The following CMTR1 variants were observed in gnomAD, a reference collection of about 807,000 sequenced individuals.
The protein encoded by CMTR1 is cap methyltransferase 1.
Under a neutral mutation model 107.0 loss-of-function variants are expected in CMTR1, and 39 were observed. The ratio of observed to expected loss-of-function variants is 0.36; its 90% CI spans 0.28 to 0.48. The LOEUF (loss-of-function observed/expected upper bound fraction) is 0.48, where lower values mean the gene tolerates loss of function less well. Among genes scored for constraint, CMTR1 ranks in the 20% least tolerant of loss-of-function variants. The probability of loss-of-function intolerance (pLI) is 0.99; values close to 1 mark genes in which losing one functional copy is unlikely to be tolerated. For synonymous variants in CMTR1, 366 were observed against 379.5 expected (o/e 0.96, Z 0.41); for missense variants, 672 against 1,064.9 (o/e 0.63, Z 5.14).
chr6:37,476,103 CAGAG>C lies in CMTR1; in HGVS notation c.2037-19_2037-16del. On this transcript the variant is annotated intron_variant, in intron 19 of 23. Transcript: ENST00000373451. ...GTGGAGGCATCCTTGGCTTGCCTCTCAGAGAGACTGTTTGGATTGTAGAATTCAG... is the reference window on the plus strand; with the variant it reads ...GTGGAGGCATCCTTGGCTTGCCTCTCAGACTGTTTGGATTGTAGAATTCAG... The C allele has an allele frequency of 1.2e-6, 2 of 1,613,652 alleles. No individual in the cohort carries two copies. The highest frequency in any genetic ancestry group is 1.7e-6 in the Non-Finnish European group (2 of 1,179,708).
chr6:37,425,170 C>CA, the CMTR1 span, among the ~76,000 whole-genome samples: 20 of 151,780 alleles, frequency 1.3e-4, no homozygotes, highest in East Asian at 3.1e-3. Context: ...TCTCGAACTC[C>CA]TGACTTCATG....
Position 37,462,989 on chromosome 6 carries a change from A to C in CMTR1, c.1486A>C (p.Met496Leu). Reference sequence around the variant, plus strand: ...GGGAGACCATGAATTTACTGACTACATGATACGGTCCAATGAGAGGTAAGC... The same window carrying C: ...GGGAGACCATGAATTTACTGACTACCTGATACGGTCCAATGAGAGGTAAGC... ...IKGDHEFTDY[M>L]IRSNESHCSL... Residue 496 changes from methionine (M) to leucine (L), a missense_variant, in exon 13 of 24, where the codon ATG becomes CTG. By Grantham distance (15) the Met-to-Leu change is conservative (BLOSUM62 2). Coordinates refer to ENST00000373451, the MANE Select transcript of CMTR1 (RefSeq NM_015050.3). 6.2e-7 allele frequency: 1 copy of C among 1,614,160 alleles called. No homozygotes were observed.
At chr6:37,478,940 T>G (rs1561794749) in intron 22 of CMTR1, among the ~76,000 whole-genome samples, 1 of 151,816 alleles carries the variant, frequency 6.6e-6, no homozygotes, top group Non-Finnish European at 1.5e-5. Context: ...AGGACTGGGG[T>G]GGGGTCGTTG....
rs773938194 is a variant in CMTR1 at position 37,478,562 on chromosome 6, C to G, written c.2266+41C>G. ...CTGTTCCCGCCATCCCCTCCCCTCTCCCCTCTCCTCGCCAGGTGATGGGTC... is the reference window on the plus strand; with the variant it reads ...CTGTTCCCGCCATCCCCTCCCCTCTGCCCTCTCCTCGCCAGGTGATGGGTC... On this transcript the variant is annotated intron_variant, in intron 22 of 23. Coordinates refer to ENST00000373451, the MANE Select transcript of CMTR1 (RefSeq NM_015050.3). 3.3e-6 allele frequency: 5 copies of G among 1,517,914 alleles called. No homozygotes were observed. In the African/African-American group the frequency reaches 5.5e-5, roughly 17 times the overall value. The allele number at this position is 1,517,914 out of a possible 1,614,324, so 94.0% of individuals were successfully genotyped here. A position where few individuals can be genotyped will look rare whatever the true frequency, so the allele number is the denominator to read the frequency against.
rs147596084 is a variant in CMTR1 at position 37,462,557 on chromosome 6, A to G, written c.1326-272A>G. On this transcript the variant is annotated intron_variant, in intron 12 of 23. Transcript: ENST00000373451. ...TGGGAGAGTTTGATTCATTAGGTCT[A>G]TAATTTAACAGACTCCCCAGGTGAT... is the stretch of plus-strand genomic sequence containing the variant. 9.8e-5 allele frequency among the ~76,000 whole-genome samples: 15 copies of G among 152,350 alleles called. No individual in the cohort carries two copies. The East Asian group carries it at 2.3e-3, about 23-fold the overall frequency.
At position 37,475,903 on chromosome 6, in the gene CMTR1, T is replaced by C. The variant is rs968318409; in HGVS notation, c.2037-223T>C. 67 of 557,410 alleles carry C rather than the reference T, an allele frequency of 1.2e-4. No homozygotes were observed. In the Admixed American group the frequency reaches 2.0e-3, roughly 17 times the overall value. 34.5% of individuals were successfully genotyped at this position (557,410 alleles called of 1,614,324 possible). A position where few individuals can be genotyped will look rare whatever the true frequency, so the allele number is the denominator to read the frequency against. ...CACACTTCAGGAAAACCAACCGACA[T>C]AGTGAAATTAGAGGTCAGAATCCAC... is the stretch of plus-strand genomic sequence containing the variant. On this transcript the variant is annotated intron_variant, in intron 19 of 23. Transcript: ENST00000373451.
At chr6:37,435,899 G>A (rs114297021) in intron 2 of CMTR1, 137 bp downstream of exon 2, 8,362 of 814,790 alleles carry the variant, frequency 0.01, 52 homozygotes, top group Non-Finnish European at 0.012. Context: ...ACAGAGAGAT[G>A]TTGGCTATAG....
At chr6:37,435,811 A>C (rs1246663793) in intron 2 of CMTR1, 49 bp downstream of exon 2, 1 of 1,537,808 alleles carries the variant, frequency 6.5e-7, no homozygotes, top group Admixed American at 2.4e-5. Context: ...GGTTATTTGA[A>C]CACACAGTGT....
Position 37,480,424 on chromosome 6 carries a change from C to CCAAACTCCCATCCCTGA in CMTR1, c.*279_*280insCAAACTCCCATCCCTGA. The CCAAACTCCCATCCCTGA allele has an allele frequency of 7.9e-7, 1 of 1,267,246 alleles. No homozygotes were observed. The highest frequency in any genetic ancestry group is 1.9e-5 in the South Asian group (1 of 52,766). The allele number at this position is 1,267,246 out of a possible 1,614,324, so 78.5% of individuals were successfully genotyped here. A position where few individuals can be genotyped will look rare whatever the true frequency, so the allele number is the denominator to read the frequency against. On this transcript the variant is annotated 3_prime_UTR_variant, in exon 24 of 24. Coordinates refer to ENST00000373451, the MANE Select transcript of CMTR1 (RefSeq NM_015050.3). Reference sequence around the variant, plus strand: ...CCTGAGGCAGGTATGAGGTCAGTGCCTAGGGCACGTGGGACTGATGGAGGA... The same window carrying CCAAACTCCCATCCCTGA: ...CCTGAGGCAGGTATGAGGTCAGTGCCCAAACTCCCATCCCTGATAGGGCACGTGGGACTGATGGAGGA...
rs1471265719 is a variant in CMTR1, at chr6:37,476,178, G to A, written c.2089G>A (p.Asp697Asn). The change falls in exon 20 of 24, where the codon GAC becomes AAC. Residue 697 changes from aspartate (D) to asparagine (N), a missense_variant. Physicochemically the swap from Asp to Asn is conservative, Grantham distance 23 (BLOSUM62 1). Coordinates refer to ENST00000373451, the MANE Select transcript of CMTR1 (RefSeq NM_015050.3). The stretch of plus-strand genomic sequence containing the variant: ...AGCCGTTTCCAAGCCTAGTCGGCCC[G>A]ACATGAATCCCATCAGGTGAGCATG... ...VKAVSKPSRP[D>N]MNPIRVKEVY... The A allele has an allele frequency of 1.9e-6, 3 of 1,614,062 alleles. No homozygotes were observed. Among genetic ancestry groups the A allele is most frequent in the Non-Finnish European group, 1.7e-6 (2 of 1,179,996 alleles).
rs1761834737 is a variant in CMTR1 at position 37,480,652 on chromosome 6, C to A, written c.*507C>A. ...CTATAAAAAAATCAAGGTTTTGTTT[C>A]TTTGAACTTACTCTGTTTTGATGCC... On this transcript the variant is annotated 3_prime_UTR_variant, in exon 24 of 24. Transcript: ENST00000373451. The A allele has an allele frequency of 9.8e-7, 1 of 1,022,694 alleles. No homozygotes were observed. The highest frequency in any genetic ancestry group is 1.7e-5 in the African/African-American group (1 of 57,636). The allele number at this position is 1,022,694 out of a possible 1,614,324, so 63.4% of individuals were successfully genotyped here.
chr6:37,479,325 G>C (rs113383390), intron 23 of CMTR1, 70 bp downstream of exon 23: 1 of 1,105,062 alleles, frequency 9.0e-7, no homozygotes, highest in Non-Finnish European at 1.4e-6. Context: ...CCAGCCAGCT[G>C]TCTTGGGGGC....
intron 14 of CMTR1, 83 bp from the exon 15 acceptor site, chr6:37,471,764 T>G (rs1761632592): frequency 7.9e-7 from 1 of 1,260,324 alleles, no homozygotes; most frequent in Non-Finnish European, 1.1e-6. Flanking sequence ...TCAGGCCTCC[T>G]CTCTATGGGA....
In CMTR1 at chr6:37,472,270, C is replaced by A; in HGVS notation, c.1621-149C>A. The A allele has an allele frequency of 2.8e-6, 2 of 705,858 alleles. No individual in the cohort carries two copies. The highest frequency in any genetic ancestry group is 1.7e-5 in the South Asian group (1 of 60,052). The allele number at this position is 705,858 out of a possible 1,614,324, so 43.7% of individuals were successfully genotyped here. A position where few individuals can be genotyped will look rare whatever the true frequency, so the allele number is the denominator to read the frequency against. On this transcript the variant is annotated intron_variant, in intron 15 of 23. Coordinates refer to ENST00000373451, the MANE Select transcript of CMTR1 (RefSeq NM_015050.3). The surrounding 1 kb of genome is among the most constrained non-coding windows in gnomAD (Gnocchi z 4.1). ...TGAAAGGGAGCAGTGAGTGAATTAT[C>A]CACCTCCATCCCTGTCAGCCTAGCC...
chr6:37,438,044 A>G (rs925809214), intron 2 of CMTR1, among the ~76,000 whole-genome samples: 5 of 152,234 alleles, frequency 3.3e-5, no homozygotes, highest in African/African-American at 7.2e-5. Context: ...AAGTGGTACT[A>G]TATGACTCAG....
At chr6:37,438,757 T>A (rs1281253094) in intron 2 of CMTR1, among the ~76,000 whole-genome samples, 1 of 152,270 alleles carries the variant, frequency 6.6e-6, no homozygotes, top group African/African-American at 2.4e-5. Flanking sequence ...GATCATTTCA[T>A]TAAGTACTTA....
intron 6 of CMTR1, 44 bp downstream of exon 6, chr6:37,451,921 A>T: frequency 6.6e-7 from 1 of 1,517,228 alleles, no homozygotes; most frequent in Non-Finnish European, 9.1e-7. Flanking sequence ...ACCTTGTGGG[A>T]GGTGATTTGC....
rs764247057 is a variant in CMTR1, at chr6:37,471,860, C to T, written c.1576C>T (p.Pro526Ser). Residue 526 changes from proline to serine, a missense_variant, in exon 15 of 24, where the codon CCT (proline) becomes TCT (serine). By Grantham distance (74) the Pro-to-Ser change is moderately conservative (BLOSUM62 -1). Coordinates refer to ENST00000373451, the MANE Select transcript of CMTR1 (RefSeq NM_015050.3). Reference protein sequence around the residue: ...AFVQDTTLSEPRQAEIRKECL... With the variant: ...AFVQDTTLSESRQAEIRKECL... Reference sequence around the variant, plus strand: ...TCATATTCCCAGGACACTGAGTGAGCCTCGACAGGCAGAGATACGGAAGGA... The same window carrying T: ...TCATATTCCCAGGACACTGAGTGAGTCTCGACAGGCAGAGATACGGAAGGA... 1 of 1,613,828 alleles carries T rather than the reference C, an allele frequency of 6.2e-7. No individual in the cohort carries two copies. The highest frequency in any genetic ancestry group is 1.1e-5 in the South Asian group (1 of 91,044).
chr6:37,453,261 C>G lies in CMTR1; in HGVS notation c.726C>G (p.Asn242Lys). 1 of 1,614,194 alleles carries G rather than the reference C, an allele frequency of 6.2e-7. No homozygotes were observed. ...FLNRAAMKMA[N>K]MDFVFDRMFT... ...GCAGGGCAGCAATGAAGATGGCTAA[C>G]ATGGATTTTGTATTTGATCGCATGT... Residue 242 changes from asparagine to lysine, a missense_variant, in exon 8 of 24, where the codon AAC becomes AAG. Transcript: ENST00000373451.
Sources: allele counts gnomAD v4.1 joint callset (sites outside exome capture counted in the v4.1 genomes callset), GRCh38; gene constraint gnomAD v4.1.1; non-coding constraint Gnocchi (gnomAD v3.1); transcripts MANE v1.5; gene names NCBI Gene and HGNC (gene_info 2026-07-23, HGNC 2026-07-21).